DENND11: variants seen among roughly 807,000 people sequenced by gnomAD.
DENND11 encodes DENN domain-containing protein 11.
Under a neutral mutation model 49.2 loss-of-function variants are expected in DENND11, and 34 were observed. The observed-to-expected ratio is 0.69, with a 90% CI of 0.53 to 0.92. DENND11 has a LOEUF of 0.92. Ranked by LOEUF, DENND11 falls within the 40% of genes least tolerant of loss-of-function variation. The pLI is 0.00. For missense variants in DENND11, 475 were observed against 581.6 expected, an observed-to-expected ratio of 0.82 and a Z score of 1.88; for synonymous variants, 238 against 230.3, an observed-to-expected ratio of 1.03 and a Z score of -0.30.
chr7:141,700,655 T>C (rs959190586), intron 1 of DENND11, among the ~76,000 whole-genome samples: 2 of 151,996 alleles, frequency 1.3e-5, no homozygotes, highest in Non-Finnish European at 2.9e-5. Flanking sequence ...AGCCATGGAA[T>C]GTGGCAAAGA....
At chr7:141,673,551 GAC>G (rs1285501605) in intron 4 of DENND11, among the ~76,000 whole-genome samples, 1 of 152,224 alleles carries the variant, frequency 6.6e-6, no homozygotes, top group African/African-American at 2.4e-5. Context: ...AACCACAGGA[GAC>G]AGAGAGGGAA....
chr7:141,699,944 T>A (rs1301006570), intron 1 of DENND11, among the ~76,000 whole-genome samples: 2 of 146,864 alleles, frequency 1.4e-5, no homozygotes, highest in African/African-American at 2.7e-5. Context: ...ACACACACAC[T>A]CCGTATACAC....
Position 141,660,648 on chromosome 7 carries a change from A to C in DENND11, c.*2008T>G, listed in dbSNP as rs1233311383. 1 of 152,244 alleles carries C rather than the reference A, an allele frequency of 6.6e-6. No individual in the cohort carries two copies. Among genetic ancestry groups the C allele is most frequent in the Non-Finnish European group, 1.5e-5 (1 of 68,038 alleles). The allele number at this position is 152,244 out of a possible 1,614,324, so 9.4% of individuals were successfully genotyped here. ...AGGAGGTCTTCTTGTGTCCTCTAGG[A>C]GAATCAGACCTTTCCTTTCACTTCT... On this transcript the variant is annotated 3_prime_UTR_variant, in exon 9 of 9. Coordinates refer to ENST00000536163, the MANE Select transcript of DENND11 (RefSeq NM_001080392.2).
intron 3 of DENND11, among the ~76,000 whole-genome samples, chr7:141,682,014 G>A (rs954532875): frequency 3.3e-5 from 5 of 152,178 alleles, no homozygotes; most frequent in African/African-American, 4.8e-5. Context: ...GTGACCATCC[G>A]TATTTCTCAT....
intron 3 of DENND11, among the ~76,000 whole-genome samples, chr7:141,678,213 T>C (rs961711183): frequency 9.2e-5 from 14 of 152,212 alleles, no homozygotes; most frequent in African/African-American, 3.4e-4. Flanking sequence ...TCTGCCTGCC[T>C]CGGCCTCCCA....
intron 1 of DENND11, among the ~76,000 whole-genome samples, chr7:141,698,541 A>G (rs1251553302): frequency 6.6e-6 from 1 of 152,162 alleles, no homozygotes; most frequent in Non-Finnish European, 1.5e-5. Flanking sequence ...CTAGTTCTTA[A>G]GTCACCTGTA....
chr7:141,680,349 G>GT (rs1798129488), intron 3 of DENND11, among the ~76,000 whole-genome samples: 1 of 151,920 alleles, frequency 6.6e-6, no homozygotes, highest in Non-Finnish European at 1.5e-5. Flanking sequence ...ATATACATTT[G>GT]TATTTGTATA....
At chr7:141,690,609 C>A (rs1798312551) in intron 1 of DENND11, among the ~76,000 whole-genome samples, 1 of 152,200 alleles carries the variant, frequency 6.6e-6, no homozygotes, top group South Asian at 2.1e-4. Context: ...ACAATATGCA[C>A]ATTTCTACTG....
intron 7 of DENND11, among the ~76,000 whole-genome samples, chr7:141,664,468 T>G (rs1397578829): frequency 6.6e-6 from 1 of 152,168 alleles, no homozygotes; most frequent in Non-Finnish European, 1.5e-5. Context: ...AAGGGGATGA[T>G]GATGATGATG....
intron 1 of DENND11, among the ~76,000 whole-genome samples, chr7:141,696,931 G>C (rs1798423749): frequency 6.6e-6 from 1 of 152,180 alleles, no homozygotes; most frequent in African/African-American, 2.4e-5. Flanking sequence ...AAAGCATCAG[G>C]ATAAAGAATC....
chr7:141,697,764 A>C (rs1366611711), intron 1 of DENND11, among the ~76,000 whole-genome samples: 4 of 152,150 alleles, frequency 2.6e-5, no homozygotes, highest in Non-Finnish European at 5.9e-5. Context: ...AAAAATGCTT[A>C]TGTTTCATAG....
At chr7:141,693,886 CTG>C (rs1439480366) in intron 1 of DENND11, among the ~76,000 whole-genome samples, 19 of 152,304 alleles carry the variant, frequency 1.2e-4, no homozygotes, top group Admixed American at 8.5e-4. Flanking sequence ...CTGTATGATA[CTG>C]TTATGGTGGA....
At chr7:141,666,806 C>T (rs1159627104) in intron 4 of DENND11, among the ~76,000 whole-genome samples, 1 of 152,182 alleles carries the variant, frequency 6.6e-6, no homozygotes, top group Non-Finnish European at 1.5e-5. Flanking sequence ...AGCAAACAGT[C>T]CCCAGTCAGA....
chr7:141,658,276 C>T lies in DENND11; in HGVS notation c.*4380G>A, dbSNP rs914457251. 2.0e-5 allele frequency: 3 copies of T among 152,202 alleles called. No individual in the cohort carries two copies. The highest frequency in any genetic ancestry group is 4.4e-5 in the Non-Finnish European group (3 of 68,038). 9.4% of individuals were successfully genotyped at this position (152,202 alleles called of 1,614,324 possible). ...ACAGTTAGCCTTTTCCCACAACACT[C>T]AATACTCCAGTAGCTTCTAGGAAGA... On this transcript the variant is annotated 3_prime_UTR_variant, in exon 9 of 9. Transcript: ENST00000536163.
At chr7:141,673,418 C>T (rs1014733156) in intron 4 of DENND11, among the ~76,000 whole-genome samples, 1 of 152,184 alleles carries the variant, frequency 6.6e-6, no homozygotes, top group Non-Finnish European at 1.5e-5. Context: ...TCACTTTCCA[C>T]CTAGCCAAAT....
intron 4 of DENND11, among the ~76,000 whole-genome samples, chr7:141,669,842 C>T (rs1375538887): frequency 2.4e-5 from 3 of 123,168 alleles, no homozygotes; most frequent in Admixed American, 1.1e-4. Flanking sequence ...GACGGAGTCT[C>T]GCTGTCGCCC....
At chr7:141,699,142 T>C (rs13231650) in intron 1 of DENND11, among the ~76,000 whole-genome samples, 95,519 of 151,910 alleles carry the variant, frequency 0.63, 30,907 homozygotes, top group African/African-American at 0.79. Context: ...ATTCACTTTA[T>C]CGCTTTTGGC....
At chr7:141,668,112 G>T (rs1292565309) in intron 4 of DENND11, among the ~76,000 whole-genome samples, 1 of 152,214 alleles carries the variant, frequency 6.6e-6, no homozygotes, top group East Asian at 1.9e-4. Flanking sequence ...CAGAGGCCAG[G>T]TGGGGCTTGC....
At chr7:141,673,816 C>T (rs191649888) in intron 4 of DENND11, among the ~76,000 whole-genome samples, 1 of 152,312 alleles carries the variant, frequency 6.6e-6, no homozygotes, top group Admixed American at 6.5e-5. Context: ...TTAAATCTAT[C>T]TTTTCACAAC....
Sources: allele counts gnomAD v4.1 joint callset (sites outside exome capture counted in the v4.1 genomes callset), GRCh38; gene constraint gnomAD v4.1.1; transcripts MANE v1.5; gene names NCBI Gene and HGNC (gene_info 2026-07-23, HGNC 2026-07-21).